Variants in CACNB4 observed in about 807,000 individuals in gnomAD.
CACNB4 encodes voltage-dependent L-type calcium channel subunit beta-4.
In CACNB4, 32 loss-of-function variants were observed where a neutral mutation model predicts 71.2. The ratio of observed to expected loss-of-function variants is 0.45; its 90% confidence interval spans 0.34 to 0.60. CACNB4 has a LOEUF of 0.60. Ranked by LOEUF, CACNB4 falls within the 20% of genes least tolerant of loss-of-function variation. CACNB4 has a pLI of 0.01. For synonymous variants in CACNB4, 231 were observed against 236.9 expected, an observed-to-expected ratio of 0.97 and a Z score of 0.23; for missense variants, 464 against 647.9, an observed-to-expected ratio of 0.72 and a Z score of 3.08.
intron 2 of CACNB4, among the ~76,000 whole-genome samples, chr2:152,010,573 G>A (rs539343620): frequency 1.3e-5 from 2 of 152,352 alleles, no homozygotes; most frequent in South Asian, 4.1e-4. Context: ...TTGCCTTATT[G>A]TGTATAGCAC....
At chr2:151,979,666 G>A (rs541528783) in intron 2 of CACNB4, among the ~76,000 whole-genome samples, 26 of 152,230 alleles carry the variant, frequency 1.7e-4, no homozygotes, top group African/African-American at 6.0e-4. Context: ...ATTGTTGACT[G>A]GTCCACACTA....
rs570139403 is a variant in CACNB4, at chr2:152,008,379, C to T, written c.147+89951G>A. Among the ~76,000 whole-genome samples, 10 of 152,012 alleles carry T rather than the reference C, an allele frequency of 6.6e-5. 1 individual carries two copies. Among genetic ancestry groups the T allele is most frequent in the African/African-American group, 2.2e-4 (9 of 41,456 alleles). Reference sequence around the variant, plus strand: ...TCAGCTCAGTGCAACCTCCGCCTCCCGGGTTCAAGTGATTCTCTTGCCTCA... The same window carrying T: ...TCAGCTCAGTGCAACCTCCGCCTCCTGGGTTCAAGTGATTCTCTTGCCTCA... On this transcript the variant is annotated intron_variant, in intron 2 of 13. Coordinates refer to ENST00000539935, the MANE Select transcript of CACNB4 (RefSeq NM_000726.5).
Position 151,834,521 on chromosome 2 carries a change from A to G in CACNB4, c.*4598T>C, listed in dbSNP as rs192046739. The G allele has an allele frequency of 5.3e-5, 8 of 152,176 alleles. No homozygotes were observed. In the East Asian group the frequency reaches 1.5e-3, roughly 29 times the overall value. 9.4% of individuals were successfully genotyped at this position (152,176 alleles called of 1,614,324 possible). On this transcript the variant is annotated 3_prime_UTR_variant, in exon 14 of 14. Transcript: ENST00000539935. ...CAAGTAAAAAGAGATAGCTGCTATC[A>G]GAGGATGTATTTTATTTAAGAAAGT...
At chr2:151,975,474 A>C (rs2099873626) in intron 2 of CACNB4, among the ~76,000 whole-genome samples, 2 of 152,190 alleles carry the variant, frequency 1.3e-5, no homozygotes, top group Admixed American at 1.3e-4. Context: ...TCAGAATCCT[A>C]AAATGGTAGG....
intron 2 of CACNB4, among the ~76,000 whole-genome samples, chr2:152,009,242 G>A (rs1393921087): frequency 6.6e-6 from 1 of 151,378 alleles, no homozygotes; most frequent in Non-Finnish European, 1.5e-5. Context: ...CTCTTGCAAA[G>A]TAGCTCAAAG....
intron 2 of CACNB4, among the ~76,000 whole-genome samples, chr2:151,960,636 G>A (rs911381881): frequency 9.9e-5 from 15 of 152,160 alleles, no homozygotes; most frequent in Non-Finnish European, 1.8e-4. Context: ...TCCCAGTGAT[G>A]GGTTACATGT....
intron 2 of CACNB4, among the ~76,000 whole-genome samples, chr2:151,917,047 T>C (rs2151556550): frequency 6.6e-6 from 1 of 152,344 alleles, no homozygotes; most frequent in South Asian, 2.1e-4. Flanking sequence ...TAGAAACATG[T>C]TTGTGTTTTT....
Position 151,870,880 on chromosome 2 carries a change from A to G in CACNB4, c.599-19T>C. 1 of 1,584,008 alleles carries G rather than the reference A, an allele frequency of 6.3e-7. No individual in the cohort carries two copies. Among genetic ancestry groups the G allele is most frequent in the Non-Finnish European group, 8.6e-7 (1 of 1,159,272 alleles). ...TGTTTTGCTAAAAGACAATAACGAG[A>G]GCCATATCAAAATATGTAAACTCTG... On this transcript the variant is annotated intron_variant, in intron 6 of 13. Transcript: ENST00000539935.
At chr2:151,955,855 T>G (rs887366687) in intron 2 of CACNB4, among the ~76,000 whole-genome samples, 1 of 151,822 alleles carries the variant, frequency 6.6e-6, no homozygotes, top group Non-Finnish European at 1.5e-5. Context: ...TGAGCCATGA[T>G]TGCACTACTG....
intron 2 of CACNB4, among the ~76,000 whole-genome samples, chr2:152,022,005 G>A (rs1459537411): frequency 6.6e-6 from 1 of 152,148 alleles, no homozygotes; most frequent in South Asian, 2.1e-4. Flanking sequence ...TTTTGATCCA[G>A]CATCCAAAGT....
chr2:151,843,867 T>C (rs2099836878), intron 12 of CACNB4, among the ~76,000 whole-genome samples: 1 of 152,172 alleles, frequency 6.6e-6, no homozygotes, highest in South Asian at 2.1e-4. Context: ...ATGGAAACAA[T>C]CTCTCTCCCA....
intron 2 of CACNB4, among the ~76,000 whole-genome samples, chr2:151,998,680 C>T (rs1242719787): frequency 2.0e-5 from 3 of 152,202 alleles, no homozygotes; most frequent in Admixed American, 2.0e-4. Context: ...CTAGCAGGAC[C>T]AGCAATGCAT....
chr2:152,087,626 G>A (rs1162210777), intron 2 of CACNB4, among the ~76,000 whole-genome samples: 1 of 151,896 alleles, frequency 6.6e-6, no homozygotes, highest in Non-Finnish European at 1.5e-5. Context: ...TTAGACCAGG[G>A]GCTATAACTG....
chr2:152,049,229 A>G (rs1184269831), intron 2 of CACNB4, among the ~76,000 whole-genome samples: 1 of 151,618 alleles, frequency 6.6e-6, no homozygotes, highest in African/African-American at 2.4e-5. Flanking sequence ...CAGTGGCACA[A>G]TCTCGGCTCA....
intron 2 of CACNB4, among the ~76,000 whole-genome samples, chr2:151,934,791 C>T (rs1411398224): frequency 1.3e-5 from 2 of 152,034 alleles, no homozygotes; most frequent in South Asian, 2.1e-4. Context: ...AAGCCGAGAT[C>T]GCACCACTGC....
At chr2:151,957,257 CGTGTGTGTGTGTGTGT>C (rs1553791572) in intron 2 of CACNB4, among the ~76,000 whole-genome samples, 7 of 131,788 alleles carry the variant, frequency 5.3e-5, no homozygotes, top group African/African-American at 1.7e-4. Flanking sequence ...AGTGGCTGGG[CGTGTGTGTGTGTGTGT>C]GTGTGTGTGT....
At chr2:151,884,726 C>T (rs533042283) in intron 2 of CACNB4, among the ~76,000 whole-genome samples, 27 of 152,084 alleles carry the variant, frequency 1.8e-4, no homozygotes, top group Admixed American at 3.9e-4. Context: ...CCTCCCCCAC[C>T]GCAAAAAACC....
At chr2:151,942,841 C>T (rs1340898141) in intron 2 of CACNB4, among the ~76,000 whole-genome samples, 4 of 152,124 alleles carry the variant, frequency 2.6e-5, no homozygotes, top group Admixed American at 2.0e-4. Context: ...ATGGTCAGAC[C>T]GGTTCTCTGC....
At chr2:152,017,550 T>C (rs1334614244) in intron 2 of CACNB4, among the ~76,000 whole-genome samples, 1 of 151,244 alleles carries the variant, frequency 6.6e-6, no homozygotes, top group Non-Finnish European at 1.5e-5. Flanking sequence ...CTACTAAAAA[T>C]ACAAAAAATC....
Sources: allele counts gnomAD v4.1 joint callset (sites outside exome capture counted in the v4.1 genomes callset), GRCh38; gene constraint gnomAD v4.1.1; transcripts MANE v1.5; gene names NCBI Gene and HGNC (gene_info 2026-07-23, HGNC 2026-07-21).